Variants in WRN observed in about 807,000 individuals in gnomAD.
WRN encodes WRN RecQ like helicase.
WRN carries 149 observed loss-of-function variants against 180.7 expected under a neutral mutation model. The ratio of observed to expected loss-of-function variants is 0.82; its 90% confidence interval spans 0.72 to 0.94. The LOEUF (loss-of-function observed/expected upper bound fraction) is 0.94. Ranked by LOEUF, WRN falls within the 40% of genes least tolerant of loss-of-function variation. The pLI is 0.00. For synonymous variants in WRN, 548 were observed against 568.9 expected, an observed-to-expected ratio of 0.96 and a Z score of 0.52; for missense variants, 1,661 against 1,700.1, an observed-to-expected ratio of 0.98 and a Z score of 0.40.
intron 1 of WRN, among the ~76,000 whole-genome samples, chr8:31,037,033 A>G (rs2129895523): frequency 6.6e-6 from 1 of 152,346 alleles, no homozygotes; most frequent in East Asian, 1.9e-4. Flanking sequence ...TTTCAAGCGC[A>G]TTACATTTAT....
chr8:31,162,437 C>T (rs1803666613), intron 33 of WRN, among the ~76,000 whole-genome samples: 1 of 152,204 alleles, frequency 6.6e-6, no homozygotes, highest in South Asian at 2.1e-4. Context: ...ATGCATGGGG[C>T]TGTCATCTCC....
chr8:31,043,935 G>A (rs1461709557), intron 1 of WRN, among the ~76,000 whole-genome samples: 1 of 151,720 alleles, frequency 6.6e-6, no homozygotes, highest in Non-Finnish European at 1.5e-5. Flanking sequence ...TTCCATAATT[G>A]CAAAATATCT....
At chr8:31,100,243 C>T (rs376538733) in intron 17 of WRN, among the ~76,000 whole-genome samples, 6 of 152,196 alleles carry the variant, frequency 3.9e-5, no homozygotes, top group East Asian at 1.9e-4. Context: ...GGTATGGGGG[C>T]GGAGTAGAGA....
At chr8:31,144,071 ACTTT>A (rs1412499796) in intron 28 of WRN, among the ~76,000 whole-genome samples, 1 of 152,162 alleles carries the variant, frequency 6.6e-6, no homozygotes, top group Non-Finnish European at 1.5e-5. Flanking sequence ...ATACAGGCAT[ACTTT>A]GTTTTATTGT....
chr8:31,044,242 C>T (rs1247759789), intron 1 of WRN, among the ~76,000 whole-genome samples: 1 of 151,552 alleles, frequency 6.6e-6, no homozygotes, highest in Non-Finnish European at 1.5e-5. Flanking sequence ...GGGGTTTCAC[C>T]ATGATAGCCA....
chr8:31,175,211 C>A lies in WRN; in HGVS notation c.*2109C>A, dbSNP rs1179950523. ...CAGCACTTTGGGAGGCCGAGGCGGG[C>A]GGATCACGAGATCAGGAGATCGAGA... is the stretch of plus-strand genomic sequence containing the variant. On this transcript the variant is annotated 3_prime_UTR_variant, in exon 35 of 35. Coordinates refer to ENST00000298139, the MANE Select transcript of WRN (RefSeq NM_000553.6). 1.3e-5 allele frequency among the ~76,000 whole-genome samples: 2 copies of A among 151,994 alleles called. No homozygotes were observed. The highest frequency in any genetic ancestry group is 3.9e-4 in the East Asian group (2 of 5,166).
Position 31,089,894 on chromosome 8 carries a change from T to A in WRN, c.1653-571T>A, listed in dbSNP as rs377531177. ...CCATTCATTCATTCCAGTTTTAAAA[T>A]GCATCTCAGGGTCAATCGAGGACAC... On this transcript the variant is annotated intron_variant, in intron 13 of 34. Transcript: ENST00000298139. 3.9e-5 allele frequency among the ~76,000 whole-genome samples: 6 copies of A among 152,096 alleles called. No homozygotes were observed. The South Asian group carries it at 1.2e-3, about 32-fold the overall frequency.
intron 24 of WRN, among the ~76,000 whole-genome samples, chr8:31,136,551 C>A (rs948229671): frequency 6.6e-6 from 1 of 152,020 alleles, no homozygotes; most frequent in Non-Finnish European, 1.5e-5. Flanking sequence ...TATTTTTATG[C>A]CCAATGGACA....
chr8:31,085,488 G>GA (rs900070981), intron 11 of WRN, among the ~76,000 whole-genome samples: 24 of 140,550 alleles, frequency 1.7e-4, no homozygotes, highest in Middle Eastern at 3.9e-3. Context: ...TTTTTATTTT[G>GA]AGACAGGGTC....
chr8:31,082,140 C>G (rs967745205), intron 9 of WRN, among the ~76,000 whole-genome samples: 10 of 152,154 alleles, frequency 6.6e-5, no homozygotes, highest in African/African-American at 2.4e-4. Context: ...GTTTTACTGT[C>G]ATCTCAGAGT....
intron 7 of WRN, among the ~76,000 whole-genome samples, chr8:31,072,575 C>T (rs554661557): frequency 1.7e-4 from 26 of 152,282 alleles, no homozygotes; most frequent in Middle Eastern, 6.8e-3. Context: ...TCAAGCGATC[C>T]TCCTGCCTCA....
At chr8:31,167,800 A>G (rs930184742) in intron 34 of WRN, among the ~76,000 whole-genome samples, 1 of 152,140 alleles carries the variant, frequency 6.6e-6, no homozygotes, top group African/African-American at 2.4e-5. Context: ...TGTGTATGGC[A>G]TGAGATAAAT....
chr8:31,124,946 A>C lies in WRN; in HGVS notation c.2771A>C (p.Lys924Thr), dbSNP rs1340729493. 6.2e-7 allele frequency: 1 copy of C among 1,613,122 alleles called. No homozygotes were observed. The highest frequency in any genetic ancestry group is 8.5e-7 in the Non-Finnish European group (1 of 1,179,512). Residue 924 changes from lysine to threonine, a missense_variant, in exon 23 of 35, where the codon AAA becomes ACA. This residue lies in a region of WRN where 1,141 missense variants were observed against 1,149.4 expected (regional missense o/e 0.99). Transcript: ENST00000298139. ...LSHFEDKQVQ[K>T]ASLGIMGTEK... Reference sequence around the variant, plus strand: ...CATTTTGAGGACAAACAAGTACAAAAAGCCTCCTTGGGAATTATGGGAACT... The same window carrying C: ...CATTTTGAGGACAAACAAGTACAAACAGCCTCCTTGGGAATTATGGGAACT...
At chr8:31,159,413 G>A (rs1025176051) in intron 33 of WRN, among the ~76,000 whole-genome samples, 2 of 151,938 alleles carry the variant, frequency 1.3e-5, no homozygotes, top group African/African-American at 4.8e-5. Context: ...ACTACGTGTT[G>A]GGTACTATGC....
intron 1 of WRN, among the ~76,000 whole-genome samples, chr8:31,050,885 A>G (rs1034140270): frequency 1.3e-5 from 2 of 152,202 alleles, no homozygotes; most frequent in African/African-American, 4.8e-5. Context: ...GTATTTATAA[A>G]ACAGTGTATT....
In WRN at chr8:31,109,170, G is replaced by C. The variant is rs112599689; in HGVS notation, c.2089-2445G>C. ...CCCAGACAGCAACATGCAAGAATAA[G>C]TTTACAATACACTCAGCCCTTGTGG... is the stretch of plus-strand genomic sequence containing the variant. On this transcript the variant is annotated intron_variant, in intron 18 of 34. Coordinates refer to ENST00000298139, the MANE Select transcript of WRN (RefSeq NM_000553.6). Among the ~76,000 whole-genome samples the C allele has an allele frequency of 1.2e-3, 185 of 152,276 alleles. 1 individual carries two copies. The highest frequency in any genetic ancestry group is 2.3e-3 in the Non-Finnish European group (154 of 68,018).
At chr8:31,137,200 A>G (rs1802434052) in intron 24 of WRN, among the ~76,000 whole-genome samples, 1 of 152,168 alleles carries the variant, frequency 6.6e-6, no homozygotes, top group African/African-American at 2.4e-5. Context: ...AAACAAGACA[A>G]TGTAAATTTA....
At chr8:31,129,864 G>T (rs1802077094) in intron 23 of WRN, among the ~76,000 whole-genome samples, 1 of 151,918 alleles carries the variant, frequency 6.6e-6, no homozygotes, top group Admixed American at 6.6e-5. Context: ...AATCAGCTGG[G>T]CGTGGTGGCA....
chr8:31,049,210 CAAAAAAA>C lies in WRN; in HGVS notation c.-76-9141_-76-9135del, dbSNP rs72226104. 5.0e-4 allele frequency among the ~76,000 whole-genome samples: 16 copies of C among 31,802 alleles called. No homozygotes were observed. The East Asian group carries it at 0.012, about 23-fold the overall frequency. The allele number at this position is 31,802 out of a possible 152,430, so 20.9% of individuals were successfully genotyped here. A position where few individuals can be genotyped will look rare whatever the true frequency, so the allele number is the denominator to read the frequency against. On this transcript the variant is annotated intron_variant, in intron 1 of 34. Coordinates refer to ENST00000298139, the MANE Select transcript of WRN (RefSeq NM_000553.6). ...TGGGCGACAGTGCGAGACTCTGTCT[CAAAAAAA>C]AAAAAAAAAAAAAAAAAAAAGAAAG... is the stretch of plus-strand genomic sequence containing the variant.
Sources: allele counts gnomAD v4.1 joint callset (sites outside exome capture counted in the v4.1 genomes callset), GRCh38; gene constraint gnomAD v4.1.1; regional missense constraint gnomAD v4.1.1; transcripts MANE v1.5; gene names NCBI Gene and HGNC (gene_info 2026-07-23, HGNC 2026-07-21).